KIF21A: variants seen among roughly 807,000 people sequenced by gnomAD.
KIF21A encodes kinesin family member 21A.
In KIF21A, 114 loss-of-function variants were observed where a neutral mutation model predicts 202.9. That is an observed-to-expected ratio of 0.56 (90% CI 0.48 to 0.66). KIF21A has a LOEUF of 0.66. Ranked by LOEUF, KIF21A falls within the 30% of genes least tolerant of loss-of-function variation. KIF21A has a pLI of 0.00. For missense variants in KIF21A, 1,677 were observed against 1,994.9 expected (o/e 0.84, Z 3.04); for synonymous variants, 667 against 670.8 (o/e 0.99, Z 0.09).
chr12:39,367,566 A>G (rs1209983008), intron 4 of KIF21A, among the ~76,000 whole-genome samples: 2 of 152,226 alleles, frequency 1.3e-5, no homozygotes, highest in Non-Finnish European at 2.9e-5. Flanking sequence ...GGTTAAAGCA[A>G]AAAGTACAAA....
At chr12:39,394,100 C>T (rs1951563616) in intron 1 of KIF21A, among the ~76,000 whole-genome samples, 1 of 152,144 alleles carries the variant, frequency 6.6e-6, no homozygotes, top group Non-Finnish European at 1.5e-5. Context: ...ATTTTGAATG[C>T]TTGGTTTCAT....
chr12:39,310,328 CA>C (rs1158716895), intron 32 of KIF21A, among the ~76,000 whole-genome samples: 1 of 151,980 alleles, frequency 6.6e-6, no homozygotes, highest in African/African-American at 2.4e-5. Flanking sequence ...ACAGTATTTT[CA>C]AAGAACATAT....
chr12:39,335,212 C>A (rs1592209222), intron 17 of KIF21A, among the ~76,000 whole-genome samples: 1 of 151,706 alleles, frequency 6.6e-6, no homozygotes, highest in Admixed American at 6.6e-5. Flanking sequence ...AGGAGTTTGA[C>A]ACCAGCCTGG....
At chr12:39,334,960 G>A (rs906382493) in intron 17 of KIF21A, among the ~76,000 whole-genome samples, 4 of 151,986 alleles carry the variant, frequency 2.6e-5, no homozygotes, top group Admixed American at 2.0e-4. Flanking sequence ...TTGTTCAAAG[G>A]TTTTCATTAA....
At chr12:39,410,068 T>G (rs1952958486) in intron 1 of KIF21A, among the ~76,000 whole-genome samples, 1 of 152,114 alleles carries the variant, frequency 6.6e-6, no homozygotes, top group African/African-American at 2.4e-5. Context: ...TGACCTCAGG[T>G]GATCTGCCCG....
At chr12:39,364,899 T>C (rs1949495481) in intron 6 of KIF21A, among the ~76,000 whole-genome samples, 1 of 152,194 alleles carries the variant, frequency 6.6e-6, no homozygotes, top group Non-Finnish European at 1.5e-5. Flanking sequence ...ACAAGATTAT[T>C]AGAAATTATG....
chr12:39,322,752 C>G lies in KIF21A; in HGVS notation c.3587G>C (p.Gly1196Ala). The G allele has an allele frequency of 6.2e-7, 1 of 1,614,094 alleles. No individual in the cohort carries two copies. The highest frequency in any genetic ancestry group is 8.5e-7 in the Non-Finnish European group (1 of 1,180,008). ...AGTACCACTTGTCTCTGTATTCATT[C>G]CAATCTCTTGCCCTTCTGCAACAGG... ...LTPVAEGQEI[G>A]MNTETSGTSA... Residue 1196 changes from glycine (G) to alanine (A), a missense_variant, in exon 27 of 38, where the codon GGA becomes GCA. Physicochemically the swap from Gly to Ala is moderately conservative, Grantham distance 60. Coordinates refer to ENST00000361418, the MANE Select transcript of KIF21A (RefSeq NM_001173464.2).
At chr12:39,364,728 C>T (rs77386704) in intron 6 of KIF21A, among the ~76,000 whole-genome samples, 9,664 of 152,194 alleles carry the variant, frequency 0.063, 1,040 homozygotes, top group African/African-American at 0.22. Context: ...CTCCATCTTG[C>T]CTTTAATCTC....
At chr12:39,409,389 C>T (rs1409292277) in intron 1 of KIF21A, among the ~76,000 whole-genome samples, 1 of 145,736 alleles carries the variant, frequency 6.9e-6, no homozygotes, top group Non-Finnish European at 1.5e-5. Context: ...ATTAAAAAAA[C>T]AAAAAAAAAG....
intron 1 of KIF21A, among the ~76,000 whole-genome samples, chr12:39,425,254 G>A (rs554733598): frequency 1.3e-5 from 2 of 151,942 alleles, no homozygotes; most frequent in South Asian, 4.1e-4. Context: ...AATATTTATT[G>A]TCTCTATCCT....
intron 16 of KIF21A, among the ~76,000 whole-genome samples, chr12:39,338,282 C>T (rs1022569518): frequency 6.6e-6 from 1 of 151,928 alleles, no homozygotes; most frequent in African/African-American, 2.4e-5. Context: ...TAGATAAAAG[C>T]TTACAGAATG....
chr12:39,416,631 G>GTATATATATATATGTACATA (rs1566264504), intron 1 of KIF21A, among the ~76,000 whole-genome samples: 8 of 114,938 alleles, frequency 7.0e-5, no homozygotes, highest in Non-Finnish European at 1.2e-4. Context: ...ATATATATGT[G>GTATATATATATATGTACATA]TATATATATA....
At chr12:39,394,680 C>T (rs1208811675) in intron 1 of KIF21A, among the ~76,000 whole-genome samples, 1 of 152,052 alleles carries the variant, frequency 6.6e-6, no homozygotes, top group Non-Finnish European at 1.5e-5. Flanking sequence ...AGTCAGAAAA[C>T]CCAGATCTAC....
intron 1 of KIF21A, among the ~76,000 whole-genome samples, chr12:39,413,877 T>C (rs1240095470): frequency 6.6e-6 from 1 of 152,208 alleles, no homozygotes; most frequent in Admixed American, 6.5e-5. Flanking sequence ...CTATTTTAAG[T>C]GTAAATAGTT....
chr12:39,391,861 C>A (rs1396791633), intron 1 of KIF21A, among the ~76,000 whole-genome samples: 1 of 152,004 alleles, frequency 6.6e-6, no homozygotes, highest in Non-Finnish European at 1.5e-5. Context: ...GCCCCAGCCT[C>A]CTGAGTAGCT....
intron 28 of KIF21A, among the ~76,000 whole-genome samples, chr12:39,318,519 G>A (rs1401389352): frequency 6.6e-6 from 1 of 152,124 alleles, no homozygotes; most frequent in Non-Finnish European, 1.5e-5. Flanking sequence ...TTACAGATGA[G>A]GAAAGAGACC....
At chr12:39,338,153 G>A (rs1023174873) in intron 16 of KIF21A, among the ~76,000 whole-genome samples, 2 of 152,126 alleles carry the variant, frequency 1.3e-5, no homozygotes, top group African/African-American at 2.4e-5. Flanking sequence ...AGACAAGATG[G>A]GGAGGTGAAG....
At chr12:39,301,713 G>A (rs541602621) in intron 36 of KIF21A, 34 bp from the exon 37 acceptor site, 2 of 1,554,494 alleles carry the variant, frequency 1.3e-6, no homozygotes, top group African/African-American at 2.7e-5. Context: ...GCAGCTTAAG[G>A]AGAGCTTCCA....
chr12:39,370,007 T>G, intron 2 of KIF21A, 32 bp downstream of exon 2: 1 of 1,600,856 alleles, frequency 6.2e-7, no homozygotes, highest in Non-Finnish European at 8.6e-7. Context: ...TCTGAAAAGT[T>G]TCAACTCCTA....
Sources: gnomAD v4.1 joint callset for allele counts (sites outside exome capture counted in the v4.1 genomes callset) on GRCh38, gnomAD v4.1.1 for gene constraint, MANE v1.5 for transcripts, NCBI Gene and HGNC (gene_info 2026-07-23, HGNC 2026-07-21) for gene names.